The following LY96 variants were observed in gnomAD, a reference collection of about 807,000 sequenced individuals.
LY96 encodes lymphocyte antigen 96, also known as myeloid differentiation protein-2.
Under a neutral mutation model 18.9 loss-of-function variants are expected in LY96, and 18 were observed. The observed-to-expected ratio is 0.95, with a 90% CI of 0.66 to 1.41. LY96 has a LOEUF of 1.41. LY96 is among the 40% of genes most tolerant of loss of function. LY96 has a pLI of 0.00. For missense variants in LY96, 175 were observed against 182.4 expected, an observed-to-expected ratio of 0.96 and a Z score of 0.23; for synonymous variants, 66 against 62.6, an observed-to-expected ratio of 1.06 and a Z score of -0.26.
chr8:74,086,044 C>A, the LY96 span, among the ~76,000 whole-genome samples: 6 of 152,194 alleles, frequency 3.9e-5, no homozygotes, highest in Admixed American at 3.9e-4. Flanking sequence ...TCCCCAACCA[C>A]CCCCCTCCCA....
the LY96 span, among the ~76,000 whole-genome samples, chr8:74,042,179 C>CTTA: frequency 6.6e-6 from 1 of 152,208 alleles, no homozygotes; most frequent in Admixed American, 6.5e-5. Flanking sequence ...TTAAAAATAA[C>CTTA]AAAGGCATGC....
chr8:74,014,893 T>C (rs1442026626), intron 3 of LY96, among the ~76,000 whole-genome samples: 1 of 151,930 alleles, frequency 6.6e-6, no homozygotes, highest in African/African-American at 2.4e-5. Context: ...AATGGATGGA[T>C]ATTTCAAAGC....
At chr8:74,024,257 G>C (rs1407333766) in intron 3 of LY96, among the ~76,000 whole-genome samples, 2 of 151,608 alleles carry the variant, frequency 1.3e-5, no homozygotes, top group African/African-American at 2.4e-5. Flanking sequence ...ATAAAGAAAA[G>C]CAGAAAAATG....
intron 1 of LY96, among the ~76,000 whole-genome samples, chr8:74,000,912 C>T (rs530045003): frequency 5.9e-5 from 9 of 152,262 alleles, no homozygotes; most frequent in African/African-American, 1.9e-4. Context: ...TATACTCATC[C>T]TTTCATCAGG....
intron 1 of LY96, among the ~76,000 whole-genome samples, chr8:73,999,472 C>A (rs137895068): frequency 6.6e-6 from 1 of 152,024 alleles, no homozygotes; most frequent in Admixed American, 6.6e-5. Context: ...GTTGCCCAGG[C>A]GGGTCTTGAA....
At chr8:74,070,256 T>A in the LY96 span, among the ~76,000 whole-genome samples, 1 of 152,086 alleles carries the variant, frequency 6.6e-6, no homozygotes, top group African/African-American at 2.4e-5. Flanking sequence ...CACGCCCGGC[T>A]AACTTTTTGT....
rs527737087 is a variant in LY96 at position 74,026,799 on chromosome 8, TACA to T, written c.347_349del (p.Thr116del). ...ATATTTTGTTTGCAGAGACTGTGAA[TACA>T]ACAATATCATTCTCCTTCAAGGGAA... On this transcript the variant is annotated inframe_deletion, in exon 4 of 5. Transcript: ENST00000284818. 2,445 of 1,530,976 alleles carry T rather than the reference TACA, an allele frequency of 1.6e-3. 5 individuals are homozygous for T. Among genetic ancestry groups the T allele is most frequent in the South Asian group, 3.6e-3 (318 of 89,062 alleles). The allele number at this position is 1,530,976 out of a possible 1,614,324, so 94.8% of individuals were successfully genotyped here. A position where few individuals can be genotyped will look rare whatever the true frequency, so the allele number is the denominator to read the frequency against.
At chr8:74,075,668 G>A in the LY96 span, among the ~76,000 whole-genome samples, 1 of 152,072 alleles carries the variant, frequency 6.6e-6, no homozygotes, top group Non-Finnish European at 1.5e-5. Flanking sequence ...AAAATATATT[G>A]TATTTATCTT....
chr8:74,017,203 C>A (rs928296057), intron 3 of LY96, among the ~76,000 whole-genome samples: 1 of 152,062 alleles, frequency 6.6e-6, no homozygotes, highest in Non-Finnish European at 1.5e-5. Context: ...TAGAGAAGAC[C>A]TTAAATGACC....
At chr8:73,999,901 C>G (rs1816228145) in intron 1 of LY96, among the ~76,000 whole-genome samples, 1 of 152,158 alleles carries the variant, frequency 6.6e-6, no homozygotes, top group Admixed American at 6.5e-5. Flanking sequence ...TTTACTTCTT[C>G]CCTTCCAATT....
At chr8:74,059,278 G>C in the LY96 span, among the ~76,000 whole-genome samples, 7 of 152,316 alleles carry the variant, frequency 4.6e-5, 1 homozygote, top group South Asian at 1.5e-3. Flanking sequence ...GGAAGCAAAT[G>C]CTTGATAGAA....
intron 1 of LY96, 31 bp downstream of exon 1, chr8:73,991,585 G>A (rs768213374): frequency 2.3e-6 from 3 of 1,276,936 alleles, no homozygotes; most frequent in African/African-American, 1.5e-5. Context: ...AATAATTGTA[G>A]CATCAACTAT....
chr8:74,061,772 T>A, the LY96 span, among the ~76,000 whole-genome samples: 1 of 152,352 alleles, frequency 6.6e-6, no homozygotes, highest in East Asian at 1.9e-4. Flanking sequence ...CAAATTGCTC[T>A]CCAAAATGGT....
chr8:74,028,879 A>ATT lies in LY96; in HGVS notation c.385-77_385-76insTT, dbSNP rs1468809292. ...ATTTAAATGGCTTTCTGCTAGTAAG[A>ATT]GAAAGTTCTTACAAAGCCTCTGAAA... On this transcript the variant is annotated intron_variant, in intron 4 of 4. Coordinates refer to ENST00000284818, the MANE Select transcript of LY96 (RefSeq NM_015364.5). 4 of 849,252 alleles carry ATT rather than the reference A, an allele frequency of 4.7e-6. No individual in the cohort carries two copies. The African/African-American group carries it at 6.8e-5, about 14-fold the overall frequency. The allele number at this position is 849,252 out of a possible 1,614,324, so 52.6% of individuals were successfully genotyped here.
At chr8:74,047,779 C>G in the LY96 span, among the ~76,000 whole-genome samples, 1 of 152,228 alleles carries the variant, frequency 6.6e-6, no homozygotes. Flanking sequence ...ATCCAAACCA[C>G]AATGCTAACC....
chr8:74,043,862 G>A, the LY96 span, among the ~76,000 whole-genome samples: 1 of 152,134 alleles, frequency 6.6e-6, no homozygotes, highest in Non-Finnish European at 1.5e-5. Flanking sequence ...TTGAGACATG[G>A]TCTGGCTGTT....
rs1343711445 is a variant in LY96 at position 74,002,093 on chromosome 8, T to TCTCTC, written c.113-2703_113-2702insCTCTC. Among the ~76,000 whole-genome samples, 4 of 38,700 alleles carry TCTCTC rather than the reference T, an allele frequency of 1.0e-4. 1 individual carries two copies. The highest frequency in any genetic ancestry group is 6.2e-4 in the African/African-American group (4 of 6,448). 25.4% of individuals were successfully genotyped at this position (38,700 alleles called of 152,430 possible). A position where few individuals can be genotyped will look rare whatever the true frequency, so the allele number is the denominator to read the frequency against. On this transcript the variant is annotated intron_variant, in intron 1 of 4. Transcript: ENST00000284818. Reference sequence around the variant, plus strand: ...TTCCTTCCTTTCTTTCTTTCTTTCTTTCTCTCTCTCTCTCTCTCTCTCTCT... The same window carrying TCTCTC: ...TTCCTTCCTTTCTTTCTTTCTTTCTTCTCTCTCTCTCTCTCTCTCTCTCTCTCTCT...
intron 1 of LY96, among the ~76,000 whole-genome samples, chr8:73,999,373 T>G (rs981987442): frequency 2.0e-5 from 3 of 152,000 alleles, no homozygotes; most frequent in Non-Finnish European, 2.9e-5. Context: ...TCAAGTGATC[T>G]TCCCACCTCA....
chr8:74,011,742 C>T (rs748116490), intron 3 of LY96, among the ~76,000 whole-genome samples: 1 of 151,872 alleles, frequency 6.6e-6, no homozygotes, highest in East Asian at 1.9e-4. Flanking sequence ...GCCTGTAGTC[C>T]CAGCTACTTG....
Sources: gnomAD v4.1 joint callset for allele counts (sites outside exome capture counted in the v4.1 genomes callset) on GRCh38, gnomAD v4.1.1 for gene constraint, MANE v1.5 for transcripts, NCBI Gene and HGNC (gene_info 2026-07-23, HGNC 2026-07-21) for gene names.